The following PLCXD3 variants were observed in gnomAD, a reference collection of about 807,000 sequenced individuals.
PLCXD3 encodes phosphatidylinositol specific phospholipase C X domain containing 3.
Under a neutral mutation model 25.5 loss-of-function variants are expected in PLCXD3, and 19 were observed. The observed-to-expected ratio is 0.75, with a 90% CI of 0.52 to 1.09. PLCXD3 has a LOEUF of 1.09. PLCXD3 is among the 50% of genes least tolerant of loss of function. The pLI, the probability that PLCXD3 is intolerant of heterozygous loss-of-function variation, is 0.00. For missense variants in PLCXD3, 411 were observed against 388.1 expected (o/e 1.06, Z -0.50); for synonymous variants, 174 against 137.6 (o/e 1.26, Z -1.85).
intron 1 of PLCXD3, among the ~76,000 whole-genome samples, chr5:41,405,032 G>T (rs1561263063): frequency 6.6e-6 from 1 of 152,080 alleles, no homozygotes; most frequent in South Asian, 2.1e-4. Flanking sequence ...GTCCTTGCCT[G>T]TTCTATTTCT....
At chr5:41,415,452 T>C (rs948637421) in intron 1 of PLCXD3, among the ~76,000 whole-genome samples, 5 of 152,164 alleles carry the variant, frequency 3.3e-5, no homozygotes, top group Non-Finnish European at 1.5e-5. Context: ...ATAGTCATCC[T>C]GGATCTAGAT....
intron 2 of PLCXD3, among the ~76,000 whole-genome samples, chr5:41,360,398 G>C (rs185446141): frequency 6.6e-6 from 1 of 151,994 alleles, no homozygotes; most frequent in African/African-American, 2.4e-5. Flanking sequence ...TTGTTGGTGA[G>C]CTGGTGTGAT....
rs562466538 is a variant in PLCXD3, at chr5:41,323,073, A to T, written c.813-9303T>A. On this transcript the variant is annotated intron_variant, in intron 2 of 2. Transcript: ENST00000377801. Reference sequence around the variant, plus strand: ...ATAAGATTCAGTCATTTGCAACGACATGCATGGAACTGGAGATCATTATGT... The same window carrying T: ...ATAAGATTCAGTCATTTGCAACGACTTGCATGGAACTGGAGATCATTATGT... Among the ~76,000 whole-genome samples, 16 of 152,324 alleles carry T rather than the reference A, an allele frequency of 1.1e-4. No homozygotes were observed. The South Asian group carries it at 3.3e-3, about 32-fold the overall frequency.
At chr5:41,361,107 C>A in intron 2 of PLCXD3, among the ~76,000 whole-genome samples, 1 of 151,954 alleles carries the variant, frequency 6.6e-6, no homozygotes, top group East Asian at 1.9e-4. Context: ...GGGTGTGGAT[C>A]TCAGGCCAAT....
chr5:41,496,627 C>CAA (rs71608608), intron 1 of PLCXD3, among the ~76,000 whole-genome samples: 4,334 of 114,574 alleles, frequency 0.038, 195 homozygotes, highest in African/African-American at 0.099. Flanking sequence ...TTTCCCAGAC[C>CAA]AAAAAAAAAA....
At chr5:41,396,333 C>T (rs1481739358) in intron 1 of PLCXD3, among the ~76,000 whole-genome samples, 1 of 152,154 alleles carries the variant, frequency 6.6e-6, no homozygotes, top group African/African-American at 2.4e-5. Flanking sequence ...CTCTCTCTCT[C>T]TCTTTCTCCT....
In PLCXD3 at chr5:41,396,070, G is replaced by T. The variant is rs572459166; in HGVS notation, c.104-13536C>A. ...GCCAATATCTCTGATGAATATTGAT[G>T]CAAAAATCCTCAGCAAAATACTAGG... On this transcript the variant is annotated intron_variant, in intron 1 of 2. Coordinates refer to ENST00000377801, the MANE Select transcript of PLCXD3 (RefSeq NM_001005473.3). Among the ~76,000 whole-genome samples, 3 of 151,508 alleles carry T rather than the reference G, an allele frequency of 2.0e-5. No individual in the cohort carries two copies. In the East Asian group the frequency reaches 5.8e-4, roughly 29 times the overall value.
chr5:41,339,712 T>A (rs1302438229), intron 2 of PLCXD3, among the ~76,000 whole-genome samples: 1 of 152,182 alleles, frequency 6.6e-6, no homozygotes, highest in East Asian at 1.9e-4. Flanking sequence ...TTGGTATGGT[T>A]GTATTCTAGG....
At chr5:41,479,231 C>T (rs1008412113) in intron 1 of PLCXD3, among the ~76,000 whole-genome samples, 1 of 151,932 alleles carries the variant, frequency 6.6e-6, no homozygotes, top group Non-Finnish European at 1.5e-5. Flanking sequence ...AAGCCAGTCA[C>T]AAAAAACAAA....
chr5:41,331,480 G>A (rs1743802139), intron 2 of PLCXD3, among the ~76,000 whole-genome samples: 1 of 152,126 alleles, frequency 6.6e-6, no homozygotes, highest in African/African-American at 2.4e-5. Context: ...ATGCTTATGG[G>A]TAAGGAGAGT....
chr5:41,382,122 T>C lies in PLCXD3; in HGVS notation c.516A>G (p.Pro172=). Residue 172 remains proline (P), a synonymous_variant, in exon 2 of 3, where the codon CCA becomes CCG. Coordinates refer to ENST00000377801, the MANE Select transcript of PLCXD3 (RefSeq NM_001005473.3). Reference sequence around the variant, plus strand: ...AACTAACTTCCTGGGCAAAAATCGCTGGGCACATTTTATTTCCATAGATGT... The same window carrying C: ...AACTAACTTCCTGGGCAAAAATCGCCGGGCACATTTTATTTCCATAGATGT... The part of the protein sequence containing the change: ...LKDIYGNKMC[P]AIFAQEVSLK... 2 of 1,613,760 alleles carry C rather than the reference T, an allele frequency of 1.2e-6. No homozygotes were observed. The highest frequency in any genetic ancestry group is 1.1e-5 in the South Asian group (1 of 91,080).
intron 2 of PLCXD3, among the ~76,000 whole-genome samples, chr5:41,376,750 G>C (rs1293522961): frequency 6.6e-6 from 1 of 151,924 alleles, no homozygotes; most frequent in Non-Finnish European, 1.5e-5. Flanking sequence ...TTGTATTTAG[G>C]TATTGCATGT....
chr5:41,353,228 G>A (rs1404366678), intron 2 of PLCXD3, among the ~76,000 whole-genome samples: 1 of 151,680 alleles, frequency 6.6e-6, no homozygotes, highest in Non-Finnish European at 1.5e-5. Context: ...GAGTAGCTGG[G>A]ATTACAGGCG....
intron 1 of PLCXD3, among the ~76,000 whole-genome samples, chr5:41,465,428 A>T (rs1054711610): frequency 2.2e-5 from 2 of 90,532 alleles, no homozygotes; most frequent in Admixed American, 3.4e-4. Context: ...CTTTCTTAGG[A>T]TTTAACAATA....
At chr5:41,390,990 A>T (rs754803142) in intron 1 of PLCXD3, among the ~76,000 whole-genome samples, 11 of 152,168 alleles carry the variant, frequency 7.2e-5, no homozygotes, top group African/African-American at 2.4e-4. Flanking sequence ...AAATCAGCTG[A>T]TGCTCGCTTC....
At chr5:41,400,062 C>G (rs1001611674) in intron 1 of PLCXD3, among the ~76,000 whole-genome samples, 1 of 151,974 alleles carries the variant, frequency 6.6e-6, no homozygotes. Flanking sequence ...AGAAGGCATA[C>G]AAAGACAAAC....
chr5:41,457,231 A>G (rs1025464844), intron 1 of PLCXD3, among the ~76,000 whole-genome samples: 1 of 151,986 alleles, frequency 6.6e-6, no homozygotes, highest in African/African-American at 2.4e-5. Flanking sequence ...TCAGACAGCC[A>G]CTGGAAAGCG....
chr5:41,319,177 A>C (rs1264802047), intron 2 of PLCXD3, among the ~76,000 whole-genome samples: 1 of 152,192 alleles, frequency 6.6e-6, no homozygotes, highest in Non-Finnish European at 1.5e-5. Flanking sequence ...CAGAGACCTC[A>C]ACACCCTACT....
chr5:41,397,224 G>T (rs1038138341), intron 1 of PLCXD3, among the ~76,000 whole-genome samples: 5 of 152,180 alleles, frequency 3.3e-5, no homozygotes, highest in Admixed American at 3.3e-4. Flanking sequence ...AGGGAAGCAT[G>T]GTTTCCTGGG....
Sources: allele counts gnomAD v4.1 joint callset (sites outside exome capture counted in the v4.1 genomes callset), GRCh38; gene constraint gnomAD v4.1.1; transcripts MANE v1.5; gene names NCBI Gene and HGNC (gene_info 2026-07-23, HGNC 2026-07-21).